TRIM36: variants seen among roughly 807,000 people sequenced by gnomAD.
TRIM36 encodes the protein tripartite motif containing 36, also known as E3 ubiquitin-protein ligase TRIM36.
TRIM36 carries 42 observed loss-of-function variants against 72.4 expected under a neutral mutation model. That is an observed-to-expected ratio of 0.58 (90% CI 0.45 to 0.75). TRIM36 has a LOEUF of 0.75. Ranked by LOEUF, TRIM36 falls within the 30% of genes least tolerant of loss-of-function variation. The pLI is 0.00. For synonymous variants in TRIM36, 315 were observed against 282.8 expected (o/e 1.11, Z -1.14); for missense variants, 913 against 857.1 (o/e 1.07, Z -0.81).
chr5:115,149,534 G>A (rs1056051287), intron 2 of TRIM36: 2 of 128,782 alleles, frequency 1.6e-5, no homozygotes, highest in African/African-American at 6.1e-5. Flanking sequence ...TAACATGTAT[G>A]CTGGTGACAC....
chr5:115,172,505 G>T (rs548163878), upstream of TRIM36, among the ~76,000 whole-genome samples: 1 of 152,208 alleles, frequency 6.6e-6, no homozygotes, highest in East Asian at 1.9e-4. Context: ...GGAGGCCGAG[G>T]CAGGTGGATC....
chr5:115,130,259 G>A (rs1241592195), intron 9 of TRIM36, among the ~76,000 whole-genome samples: 1 of 152,346 alleles, frequency 6.6e-6, no homozygotes, highest in Admixed American at 6.5e-5. Context: ...TAACTGTGAA[G>A]TATGACAATC....
intron 6 of TRIM36, 48 bp from the exon 7 acceptor site, chr5:115,137,172 C>G (rs746470248): frequency 7.9e-6 from 12 of 1,528,126 alleles, no homozygotes; most frequent in Non-Finnish European, 2.6e-6. Context: ...GAAGTCAAAT[C>G]AGACTAAATA....
chr5:115,172,196 C>T (rs1402773059), upstream of TRIM36, among the ~76,000 whole-genome samples: 2 of 152,028 alleles, frequency 1.3e-5, no homozygotes, highest in Non-Finnish European at 2.9e-5. Flanking sequence ...TTTGTGATAT[C>T]GTATGTTGGT....
Position 115,169,790 on chromosome 5 carries a change from G to A in TRIM36, c.-156C>T. On this transcript the variant is annotated 5_prime_UTR_variant, in exon 1 of 10. Transcript: ENST00000513154. ...TGTACGTGGCCAGCGGACCGACGCGGGGAGAAGTAAGCCGGGGCAGGCAAA... is the reference window on the plus strand; with the variant it reads ...TGTACGTGGCCAGCGGACCGACGCGAGGAGAAGTAAGCCGGGGCAGGCAAA... The A allele has an allele frequency of 7.5e-7, 1 of 1,326,320 alleles. No homozygotes were observed. The allele number at this position is 1,326,320 out of a possible 1,614,324, so 82.2% of individuals were successfully genotyped here.
intron 2 of TRIM36, among the ~76,000 whole-genome samples, chr5:115,160,163 G>A (rs1754402973): frequency 1.3e-5 from 2 of 151,770 alleles, no homozygotes; most frequent in Admixed American, 6.6e-5. Flanking sequence ...ATATGCTACT[G>A]TGTTATGCAC....
intron 5 of TRIM36, among the ~76,000 whole-genome samples, chr5:115,140,980 C>A (rs1455775185): frequency 6.6e-6 from 1 of 152,176 alleles, no homozygotes; most frequent in Admixed American, 6.5e-5. Flanking sequence ...TAAAACCTAT[C>A]ATTTCCCTTA....
At chr5:115,180,243 C>G (rs1580724169), upstream of TRIM36, 13 of 500,156 alleles carry the variant, frequency 2.6e-5, no homozygotes, top group East Asian at 4.6e-4. Context: ...CAGCCTCGCC[C>G]GGCTTGCTAG....
Position 115,146,971 on chromosome 5 carries a change from G to C in TRIM36, c.588+98C>G, listed in dbSNP as rs531565908. The C allele has an allele frequency of 2.4e-4, 290 of 1,232,644 alleles. No individual in the cohort carries two copies. In the African/African-American group the frequency reaches 4.1e-3, roughly 18 times the overall value. 76.4% of individuals were successfully genotyped at this position (1,232,644 alleles called of 1,614,324 possible). ...TTTAAAGTTATTTCCTTTCTGTCAAGTTCTAGACTTAATAATTTATTTCGT... is the reference window on the plus strand; with the variant it reads ...TTTAAAGTTATTTCCTTTCTGTCAACTTCTAGACTTAATAATTTATTTCGT... On this transcript the variant is annotated intron_variant, in intron 3 of 9. Transcript: ENST00000513154.
At position 115,148,280 on chromosome 5, in the gene TRIM36, G is replaced by C. The variant is rs1310669093; in HGVS notation, c.263-886C>G. On this transcript the variant is annotated intron_variant, in intron 2 of 9. Coordinates refer to ENST00000513154, the MANE Select transcript of TRIM36 (RefSeq NM_001300759.2). The stretch of plus-strand genomic sequence containing the variant: ...GAATGACCTTAAACATCACATTTTT[G>C]TTCAGTATTATCCCAATTTTAATAA... The C allele has an allele frequency of 4.4e-6, 4 of 919,358 alleles. No homozygotes were observed. In the South Asian group the frequency reaches 1.5e-4, roughly 34 times the overall value. The allele number at this position is 919,358 out of a possible 1,614,324, so 57.0% of individuals were successfully genotyped here.
intron 2 of TRIM36, chr5:115,149,568 T>TAAA: frequency 3.9e-5 from 1 of 25,810 alleles, no homozygotes; most frequent in East Asian, 1.9e-3. Flanking sequence ...CTCAGAAATT[T>TAAA]GAAAAAAAAA....
intron 7 of TRIM36, 95 bp from the exon 8 acceptor site, chr5:115,134,242 T>C: frequency 1.7e-6 from 2 of 1,156,502 alleles, no homozygotes; most frequent in Non-Finnish European, 2.3e-6. Flanking sequence ...CAGTATTTAA[T>C]GATTTCTATA....
In TRIM36 at chr5:115,141,338, T is replaced by C; in HGVS notation, c.772A>G (p.Lys258Glu). 6 of 1,605,970 alleles carry C rather than the reference T, an allele frequency of 3.7e-6. No individual in the cohort carries two copies. Among genetic ancestry groups the C allele is most frequent in the Non-Finnish European group, 5.1e-6 (6 of 1,177,846 alleles). The part of the protein sequence containing the change: ...LSKDIDYLIG[K>E]ESQVKSQISE... ...ATTTGACTCTTCACCTGGCTTTCCT[T>C]ACCAATAAGGTAATCAATATCCTTT... Residue 258 changes from lysine (K) to glutamate (E), a missense_variant, in exon 5 of 10, where the codon AAG becomes GAG. Transcript: ENST00000513154.
At chr5:115,132,057 T>A (rs1032461603) in intron 8 of TRIM36, among the ~76,000 whole-genome samples, 1 of 152,012 alleles carries the variant, frequency 6.6e-6, no homozygotes, top group Non-Finnish European at 1.5e-5. Flanking sequence ...ATTTAAAAAA[T>A]GACCCCCAGG....
intron 1 of TRIM36, among the ~76,000 whole-genome samples, chr5:115,165,446 C>T (rs1364166229): frequency 6.6e-6 from 1 of 152,244 alleles, no homozygotes; most frequent in Non-Finnish European, 1.5e-5. Context: ...CTTTTGTGCA[C>T]TGGTAGGCCC....
intron 2 of TRIM36, among the ~76,000 whole-genome samples, chr5:115,159,096 A>T (rs1754339370): frequency 6.6e-6 from 1 of 152,208 alleles, no homozygotes; most frequent in Admixed American, 6.5e-5. Flanking sequence ...TATTTCAGAA[A>T]GTCTAATAAA....
At chr5:115,135,467 A>C (rs1752913069) in intron 7 of TRIM36, among the ~76,000 whole-genome samples, 1 of 146,130 alleles carries the variant, frequency 6.8e-6, no homozygotes, top group Non-Finnish European at 1.5e-5. Context: ...CTTTTTTTGA[A>C]ACATAGCTTA....
At position 115,169,483 on chromosome 5, in the gene TRIM36, C is replaced by T. The variant is rs969696098; in HGVS notation, c.27+125G>A. On this transcript the variant is annotated intron_variant, in intron 1 of 9. Transcript: ENST00000513154. ...GGAGAAGGCGAAGAGGAAGCGGGAT[C>T]CCCACACGCCTGCCTTTGCTCTCCC... 1.2e-5 allele frequency: 12 copies of T among 1,037,444 alleles called. No individual in the cohort carries two copies. In the Admixed American group the frequency reaches 3.3e-4, roughly 28 times the overall value. The allele number at this position is 1,037,444 out of a possible 1,614,324, so 64.3% of individuals were successfully genotyped here.
intron 2 of TRIM36, among the ~76,000 whole-genome samples, chr5:115,160,633 T>C (rs1233952721): frequency 6.6e-6 from 1 of 151,918 alleles, no homozygotes; most frequent in Admixed American, 6.5e-5. Context: ...AAGCCAGGAG[T>C]CTGAAACCAG....
Sources: allele counts gnomAD v4.1 joint callset (sites outside exome capture counted in the v4.1 genomes callset), GRCh38; gene constraint gnomAD v4.1.1; transcripts MANE v1.5; gene names NCBI Gene and HGNC (gene_info 2026-07-23, HGNC 2026-07-21).